The following GRIN2B variants were observed in gnomAD, a reference collection of about 807,000 sequenced individuals.
GRIN2B encodes the protein glutamate receptor ionotropic, NMDA 2B.
GRIN2B carries 5 observed loss-of-function variants against 114.5 expected under a neutral mutation model. The ratio of observed to expected loss-of-function variants is 0.04; its 90% CI spans 0.02 to 0.09. GRIN2B has a LOEUF of 0.09. GRIN2B is among the 10% of genes least tolerant of loss of function. The pLI is 1.00. For synonymous variants in GRIN2B, 787 were observed against 745.1 expected, an observed-to-expected ratio of 1.06 and a Z score of -0.92; for missense variants, 1,108 against 1,943.5, an observed-to-expected ratio of 0.57 and a Z score of 8.08.
chr12:13,750,992 C>T (rs2136626376), intron 4 of GRIN2B, among the ~76,000 whole-genome samples: 1 of 152,264 alleles, frequency 6.6e-6, no homozygotes, highest in East Asian at 1.9e-4. Context: ...GAAGTAATGC[C>T]AAGACTGAAG....
At chr12:13,770,166 A>G (rs1241352723) in intron 3 of GRIN2B, among the ~76,000 whole-genome samples, 1 of 152,208 alleles carries the variant, frequency 6.6e-6, no homozygotes, top group Non-Finnish European at 1.5e-5. Context: ...CATTGCACAT[A>G]AGGCTGATCT....
chr12:13,727,425 G>C (rs1286991428), intron 4 of GRIN2B, among the ~76,000 whole-genome samples: 1 of 152,162 alleles, frequency 6.6e-6, no homozygotes. Flanking sequence ...AGGCTGTATA[G>C]AAAAAGCACT....
intron 2 of GRIN2B, among the ~76,000 whole-genome samples, chr12:13,936,953 T>C (rs761492211): frequency 2.0e-5 from 3 of 151,146 alleles, no homozygotes; most frequent in Non-Finnish European, 4.4e-5. Flanking sequence ...TGGCAGAGAG[T>C]TGGTGAACTT....
Position 13,561,994 on chromosome 12 carries a change from T to C in GRIN2B, c.*789A>G, listed in dbSNP as rs1948551128. 6.6e-6 allele frequency: 1 copy of C among 152,586 alleles called. No homozygotes were observed. The highest frequency in any genetic ancestry group is 2.4e-5 in the African/African-American group (1 of 41,452). 9.5% of individuals were successfully genotyped at this position (152,586 alleles called of 1,614,324 possible). On this transcript the variant is annotated 3_prime_UTR_variant, in exon 14 of 14. Coordinates refer to ENST00000609686, the MANE Select transcript of GRIN2B (RefSeq NM_000834.5). ...AAAGAAACAATAGAAAGAGTCAAGGTTGCCTTCTCTTGAGGCACCTGACTA... is the reference window on the plus strand; with the variant it reads ...AAAGAAACAATAGAAAGAGTCAAGGCTGCCTTCTCTTGAGGCACCTGACTA...
At chr12:13,639,587 T>C (rs1949695225) in intron 5 of GRIN2B, among the ~76,000 whole-genome samples, 1 of 152,096 alleles carries the variant, frequency 6.6e-6, no homozygotes, top group African/African-American at 2.4e-5. Context: ...CTCCTGAAAA[T>C]TCTGCAGTTC....
intron 2 of GRIN2B, among the ~76,000 whole-genome samples, chr12:13,954,168 C>T (rs1867545242): frequency 6.6e-6 from 1 of 152,180 alleles, no homozygotes; most frequent in Non-Finnish European, 1.5e-5. Flanking sequence ...TTCTATCTTT[C>T]AGATATAATC....
intron 2 of GRIN2B, among the ~76,000 whole-genome samples, chr12:13,890,962 G>T (rs1374367932): frequency 6.6e-6 from 1 of 152,116 alleles, no homozygotes; most frequent in Non-Finnish European, 1.5e-5. Context: ...GCCTCTTAAG[G>T]CAATGGCTTT....
chr12:13,929,614 A>T (rs1844788289), intron 2 of GRIN2B, among the ~76,000 whole-genome samples: 1 of 152,206 alleles, frequency 6.6e-6, no homozygotes, highest in Non-Finnish European at 1.5e-5. Flanking sequence ...CTAATGGAGC[A>T]TCCAGCTTTC....
At chr12:13,849,113 G>A (rs763315197) in intron 3 of GRIN2B, among the ~76,000 whole-genome samples, 98 of 152,120 alleles carry the variant, frequency 6.4e-4, no homozygotes, top group Non-Finnish European at 7.1e-4. Flanking sequence ...GGGCATTCAC[G>A]TCTGTATCAG....
chr12:13,593,611 A>AT (rs1949036552), intron 10 of GRIN2B, among the ~76,000 whole-genome samples: 1 of 152,256 alleles, frequency 6.6e-6, no homozygotes, highest in Non-Finnish European at 1.5e-5. Flanking sequence ...AAACCTAGGC[A>AT]ATACCACTCA....
chr12:13,975,004 G>C (rs1387110215), intron 2 of GRIN2B, among the ~76,000 whole-genome samples: 2 of 152,182 alleles, frequency 1.3e-5, no homozygotes, highest in African/African-American at 4.8e-5. Context: ...AGAATGAAAA[G>C]AGAGCAGGCA....
intron 3 of GRIN2B, among the ~76,000 whole-genome samples, chr12:13,781,550 C>T (rs758493963): frequency 2.0e-5 from 3 of 152,110 alleles, no homozygotes; most frequent in Non-Finnish European, 4.4e-5. Context: ...TCTAAAAAAT[C>T]ATTTAATTTG....
At chr12:13,745,411 C>G (rs1193378979) in intron 4 of GRIN2B, among the ~76,000 whole-genome samples, 1 of 152,176 alleles carries the variant, frequency 6.6e-6, no homozygotes, top group Non-Finnish European at 1.5e-5. Flanking sequence ...ACCAAGGGAG[C>G]AAGAGCCTTG....
chr12:13,776,854 C>A (rs1864013549), intron 3 of GRIN2B, among the ~76,000 whole-genome samples: 1 of 152,216 alleles, frequency 6.6e-6, no homozygotes, highest in Non-Finnish European at 1.5e-5. Context: ...CCCAAAACTT[C>A]TTAAAATTAA....
At chr12:13,585,060 C>T (rs925189420) in intron 10 of GRIN2B, among the ~76,000 whole-genome samples, 3 of 152,128 alleles carry the variant, frequency 2.0e-5, no homozygotes, top group Admixed American at 6.5e-5. Context: ...ACCATGGAAA[C>T]TGGGATTCTG....
At position 13,562,064 on chromosome 12, in the gene GRIN2B, AC is replaced by A. The variant is rs1413045165; in HGVS notation, c.*718del. The A allele has an allele frequency of 6.5e-6, 1 of 152,766 alleles. No individual in the cohort carries two copies. The highest frequency in any genetic ancestry group is 1.5e-5 in the Non-Finnish European group (1 of 68,280). The allele number at this position is 152,766 out of a possible 1,614,324, so 9.5% of individuals were successfully genotyped here. On this transcript the variant is annotated 3_prime_UTR_variant, in exon 14 of 14. Transcript: ENST00000609686. ...ATGAACACACATGCACGCACAATCCACCTGCTCTTGTCCCCAAGGCACCGTG... is the reference window on the plus strand; with the variant it reads ...ATGAACACACATGCACGCACAATCCACTGCTCTTGTCCCCAAGGCACCGTG...
At chr12:13,700,758 T>C (rs1377137082) in intron 4 of GRIN2B, among the ~76,000 whole-genome samples, 2 of 152,206 alleles carry the variant, frequency 1.3e-5, no homozygotes, top group African/African-American at 4.8e-5. Flanking sequence ...CTTCCTAAAC[T>C]GTGAAATTGT....
intron 4 of GRIN2B, among the ~76,000 whole-genome samples, chr12:13,720,155 TA>T (rs574694006): frequency 5.9e-5 from 9 of 151,970 alleles, no homozygotes; most frequent in Non-Finnish European, 1.0e-4. Context: ...AATTAAAAAA[TA>T]AGCTTCTCAT....
At chr12:13,611,917 A>G (rs1440573676) in intron 8 of GRIN2B, 67 bp from the exon 9 acceptor site, 6 of 1,527,114 alleles carry the variant, frequency 3.9e-6, no homozygotes, top group African/African-American at 1.4e-5. Context: ...ATTAATTCAC[A>G]TATTCATTTC....
Sources: gnomAD v4.1 joint callset for allele counts (sites outside exome capture counted in the v4.1 genomes callset) on GRCh38, gnomAD v4.1.1 for gene constraint, MANE v1.5 for transcripts, NCBI Gene and HGNC (gene_info 2026-07-23, HGNC 2026-07-21) for gene names.